The following CARMIL1 variants were observed in gnomAD, a reference collection of about 807,000 sequenced individuals.
CARMIL1 encodes the protein capping protein regulator and myosin 1 linker 1, also known as F-actin-uncapping protein LRRC16A.
A neutral mutation model predicts 177.1 loss-of-function variants in CARMIL1; 90 were observed. That is an observed-to-expected ratio of 0.51 (90% CI 0.43 to 0.61). The LOEUF (loss-of-function observed/expected upper bound fraction) is 0.61. CARMIL1 is among the 20% of genes least tolerant of loss of function. The pLI, the probability that CARMIL1 is intolerant of heterozygous loss-of-function variation, is 0.00. For synonymous variants in CARMIL1, 577 were observed against 606.2 expected (o/e 0.95, Z 0.71); for missense variants, 1,380 against 1,667.0 (o/e 0.83, Z 3.00).
Position 25,279,719 on chromosome 6 carries a change from T to A in CARMIL1, c.-77T>A. On this transcript the variant is annotated 5_prime_UTR_variant, in exon 1 of 37. In the 5' UTR this introduces an upstream ATG that the reference lacks. Transcript: ENST00000329474. ...AGCTGCATCTGCCTCTCTAAAAAAA[T>A]TGAGGAGTTCGGGGAAGGGCAGGGG... 7.1e-7 allele frequency: 1 copy of A among 1,408,836 alleles called. No homozygotes were observed. The highest frequency in any genetic ancestry group is 1.0e-6 in the Non-Finnish European group (1 of 993,302). 87.3% of individuals were successfully genotyped at this position (1,408,836 alleles called of 1,614,324 possible).
rs140936486 is a variant in CARMIL1, at chr6:25,397,528, G to A, written c.139-22586G>A. On this transcript the variant is annotated intron_variant, in intron 2 of 36. Transcript: ENST00000329474. ...AGGGTAAGCAATGAAAGTTGTGGCC[G>A]TAGCTGCCAAACAAAGGGTGTTTTT... 1.6e-4 allele frequency among the ~76,000 whole-genome samples: 25 copies of A among 152,276 alleles called. No homozygotes were observed. In the East Asian group the frequency reaches 2.3e-3, roughly 14 times the overall value.
intron 27 of CARMIL1, among the ~76,000 whole-genome samples, chr6:25,551,820 A>C (rs1810132172): frequency 1.3e-5 from 2 of 152,170 alleles, no homozygotes; most frequent in Non-Finnish European, 2.9e-5. Flanking sequence ...AAAGATATTT[A>C]GATGTAGCAG....
At chr6:25,550,625 G>T (rs1326952371) in intron 26 of CARMIL1, among the ~76,000 whole-genome samples, 2 of 152,120 alleles carry the variant, frequency 1.3e-5, no homozygotes, top group African/African-American at 2.4e-5. Context: ...CTCGTTAATG[G>T]CTTTGTGTTA....
intron 2 of CARMIL1, among the ~76,000 whole-genome samples, chr6:25,292,029 G>A (rs777894949): frequency 2.6e-5 from 4 of 152,196 alleles, no homozygotes; most frequent in Non-Finnish European, 5.9e-5. Context: ...ACACATCTGA[G>A]TGTGTGTGTT....
rs146686580 is a variant in CARMIL1, at chr6:25,336,997, C to A, written c.138+52088C>A. Among the ~76,000 whole-genome samples, 4 of 152,204 alleles carry A rather than the reference C, an allele frequency of 2.6e-5. No individual in the cohort carries two copies. In the East Asian group the frequency reaches 7.7e-4, roughly 29 times the overall value. Reference sequence around the variant, plus strand: ...GCACAGTTGCCCTTTAAAAAGACAGCGTATCAATTGAACATAAATATATTG... The same window carrying A: ...GCACAGTTGCCCTTTAAAAAGACAGAGTATCAATTGAACATAAATATATTG... On this transcript the variant is annotated intron_variant, in intron 2 of 36. Transcript: ENST00000329474.
intron 2 of CARMIL1, among the ~76,000 whole-genome samples, chr6:25,327,163 C>CA (rs55670579): frequency 0.72 from 109,119 of 151,816 alleles, 39,972 homozygotes; most frequent in African/African-American, 0.88. Context: ...GTGATATCAC[C>CA]AAGGAGAGAG....
chr6:25,567,407 A>G (rs546174888), intron 29 of CARMIL1, among the ~76,000 whole-genome samples: 1 of 152,340 alleles, frequency 6.6e-6, no homozygotes, highest in South Asian at 2.1e-4. Context: ...AAGCAATGGC[A>G]TGGATTGTAG....
intron 2 of CARMIL1, among the ~76,000 whole-genome samples, chr6:25,343,408 T>G (rs1787159073): frequency 6.6e-6 from 1 of 150,934 alleles, no homozygotes; most frequent in African/African-American, 2.4e-5. Flanking sequence ...TCATCCTCCC[T>G]CCCTTCTTCA....
chr6:25,607,376 A>T (rs1041369611), intron 35 of CARMIL1, among the ~76,000 whole-genome samples: 1 of 152,208 alleles, frequency 6.6e-6, no homozygotes, highest in Non-Finnish European at 1.5e-5. Flanking sequence ...GATCATCATC[A>T]TGGCTAATCT....
At chr6:25,506,729 G>T (rs1804952843) in intron 17 of CARMIL1, among the ~76,000 whole-genome samples, 1 of 152,048 alleles carries the variant, frequency 6.6e-6, no homozygotes, top group African/African-American at 2.4e-5. Flanking sequence ...AATTTCCCAG[G>T]ATAAAAATTA....
In CARMIL1 at chr6:25,515,553, G is replaced by A. The variant is rs550949064; in HGVS notation, c.1633-122G>A. The A allele has an allele frequency of 9.4e-6, 8 of 850,840 alleles. No homozygotes were observed. The South Asian group carries it at 1.8e-4, about 19-fold the overall frequency. The allele number at this position is 850,840 out of a possible 1,614,324, so 52.7% of individuals were successfully genotyped here. On this transcript the variant is annotated intron_variant, in intron 20 of 36. Transcript: ENST00000329474. This position sits in a 1 kb window ranked among gnomAD's most constrained non-coding sequence, Gnocchi z 5.0. ...TCTATCCACGAGTGTCTTTTAGGTA[G>A]TAGTTCTAAAATCAGACACGTGCAG...
intron 2 of CARMIL1, among the ~76,000 whole-genome samples, chr6:25,372,954 G>C (rs112152106): frequency 3.4e-4 from 52 of 152,178 alleles, no homozygotes; most frequent in African/African-American, 1.1e-3. Flanking sequence ...TATCATAAAG[G>C]GATGCTGGAT....
chr6:25,581,304 C>T lies in CARMIL1; in HGVS notation c.2871C>T (p.Pro957=). The T allele has an allele frequency of 6.2e-7, 1 of 1,613,906 alleles. No homozygotes were observed. The highest frequency in any genetic ancestry group is 8.5e-7 in the Non-Finnish European group (1 of 1,179,854). Residue 957 remains proline, a synonymous_variant, in exon 31 of 37, where the codon CCC becomes CCT. Transcript: ENST00000329474. ...TACCAATTCACATCGAAGACCCGCC[C>T]TTCCCATCCCTCAGACAGGAGAAGC... is the stretch of plus-strand genomic sequence containing the variant. ...EEVPIHIEDP[P]FPSLRQEKRS... is the part of the protein sequence containing the mutation.
chr6:25,553,516 G>A lies in CARMIL1; in HGVS notation c.2505-493G>A, dbSNP rs1455578583. ...GCAGGTGATTTTGTAAATAGTCAAA[G>A]TAAGATGGTCAGTCAAAGCAGACGC... is the stretch of plus-strand genomic sequence containing the variant. On this transcript the variant is annotated intron_variant, in intron 27 of 36. Coordinates refer to ENST00000329474, the MANE Select transcript of CARMIL1 (RefSeq NM_017640.6). 2.6e-5 allele frequency among the ~76,000 whole-genome samples: 4 copies of A among 152,206 alleles called. 1 individual carries two copies. The highest frequency in any genetic ancestry group is 2.6e-4 in the Admixed American group (4 of 15,286).
chr6:25,489,866 A>G (rs1315025099), intron 13 of CARMIL1, among the ~76,000 whole-genome samples: 1 of 152,168 alleles, frequency 6.6e-6, no homozygotes, highest in Non-Finnish European at 1.5e-5. Context: ...CTCCCCCCCA[A>G]AATAAAACAA....
chr6:25,517,216 A>G lies in CARMIL1; in HGVS notation c.1806-131A>G, dbSNP rs2151068385. 3 of 633,816 alleles carry G rather than the reference A, an allele frequency of 4.7e-6. No homozygotes were observed. The South Asian group carries it at 6.0e-5, about 13-fold the overall frequency. 39.3% of individuals were successfully genotyped at this position (633,816 alleles called of 1,614,324 possible). On this transcript the variant is annotated intron_variant, in intron 21 of 36. Coordinates refer to ENST00000329474, the MANE Select transcript of CARMIL1 (RefSeq NM_017640.6). ...TGTTTTGTTAGAAATGAAGATGAAC[A>G]TTATTCCTTGCTCACATAATGCAGC...
intron 32 of CARMIL1, among the ~76,000 whole-genome samples, chr6:25,596,792 G>A (rs1814893494): frequency 1.3e-5 from 2 of 151,932 alleles, no homozygotes; most frequent in Admixed American, 1.3e-4. Context: ...AAATTTTGGA[G>A]CATTTCAAAT....
chr6:25,438,085 G>T (rs7449710), intron 5 of CARMIL1, among the ~76,000 whole-genome samples: 4,890 of 152,104 alleles, frequency 0.032, 183 homozygotes, highest in African/African-American at 0.095. Context: ...ACACAATCAG[G>T]CTCTCTCATA....
At chr6:25,539,448 C>T (rs1808667678) in intron 25 of CARMIL1, among the ~76,000 whole-genome samples, 1 of 151,426 alleles carries the variant, frequency 6.6e-6, no homozygotes, top group South Asian at 2.1e-4. Flanking sequence ...ACTTTCATAC[C>T]CCAGATGAAG....
Sources: allele counts gnomAD v4.1 joint callset (sites outside exome capture counted in the v4.1 genomes callset), GRCh38; gene constraint gnomAD v4.1.1; non-coding constraint Gnocchi (gnomAD v3.1); transcripts MANE v1.5; gene names NCBI Gene and HGNC (gene_info 2026-07-23, HGNC 2026-07-21).